CREB1: variants seen among roughly 807,000 people sequenced by gnomAD.
The protein encoded by CREB1 is cAMP responsive element binding protein 1.
In CREB1, 2 loss-of-function variants were observed where a neutral mutation model predicts 42.0. The ratio of observed to expected loss-of-function variants is 0.05; its 90% CI spans 0.02 to 0.15. The LOEUF (loss-of-function observed/expected upper bound fraction) is 0.15. Among genes scored for constraint, CREB1 ranks in the 10% least tolerant of loss-of-function variants. The pLI is 1.00. For missense variants in CREB1, 199 were observed against 388.9 expected (o/e 0.51, Z 4.11); for synonymous variants, 123 against 139.9 (o/e 0.88, Z 0.85).
chr2:207,605,541 T>C lies in CREB1; in HGVS notation c.*8483T>C, dbSNP rs1310600462. ...TGTACACTTCTAAAAAAAAGAAACA[T>C]GGAAAAGGGCAAACTGTAAGAAGTT... On this transcript the variant is annotated 3_prime_UTR_variant, in exon 8 of 8. Coordinates refer to ENST00000353267, the MANE Select transcript of CREB1 (RefSeq NM_004379.5). Among the ~76,000 whole-genome samples, 1 of 151,862 alleles carries C rather than the reference T, an allele frequency of 6.6e-6. No individual in the cohort carries two copies.
At chr2:207,587,436 A>G (rs981839670) in intron 7 of CREB1, among the ~76,000 whole-genome samples, 1 of 152,008 alleles carries the variant, frequency 6.6e-6, no homozygotes, top group African/African-American at 2.4e-5. Context: ...CAAAAAATAA[A>G]AGAACCACTA....
chr2:207,543,848 C>T (rs1034373918), intron 1 of CREB1, among the ~76,000 whole-genome samples: 6 of 152,170 alleles, frequency 3.9e-5, no homozygotes, highest in African/African-American at 1.4e-4. Flanking sequence ...TGTGATCTGC[C>T]CACCTCAGCC....
intron 7 of CREB1, among the ~76,000 whole-genome samples, chr2:207,583,462 A>G (rs2083293567): frequency 6.6e-6 from 1 of 152,220 alleles, no homozygotes; most frequent in African/African-American, 2.4e-5. Flanking sequence ...TACCATTGTG[A>G]GAAACAGGAT....
At chr2:207,535,900 C>T (rs1260500243) in intron 1 of CREB1, among the ~76,000 whole-genome samples, 13 of 152,064 alleles carry the variant, frequency 8.5e-5, no homozygotes, top group Admixed American at 8.5e-4. Context: ...TGGCTCACTG[C>T]AACCTCTGTT....
At chr2:207,538,586 C>T (rs922661246) in intron 1 of CREB1, among the ~76,000 whole-genome samples, 3 of 151,938 alleles carry the variant, frequency 2.0e-5, no homozygotes, top group Non-Finnish European at 4.4e-5. Context: ...TTAAAAGGGG[C>T]GAGGTTTTGA....
At chr2:207,583,307 C>T (rs1390233778) in intron 7 of CREB1, among the ~76,000 whole-genome samples, 1 of 152,148 alleles carries the variant, frequency 6.6e-6, no homozygotes, top group Non-Finnish European at 1.5e-5. Context: ...TACACACTAA[C>T]ATATCTGACT....
chr2:207,574,378 G>C (rs2082490906), intron 5 of CREB1, among the ~76,000 whole-genome samples: 1 of 152,206 alleles, frequency 6.6e-6, no homozygotes, highest in African/African-American at 2.4e-5. Context: ...ATTGTCTAGA[G>C]AGGATATTGC....
At chr2:207,559,335 GT>G (rs2081865244) in intron 2 of CREB1, 1 of 965,900 alleles carries the variant, frequency 1.0e-6, no homozygotes, top group African/African-American at 1.8e-5. Flanking sequence ...CTTCTCTTAG[GT>G]TGGGTAGAGT....
At chr2:207,585,617 G>A (rs566118720) in intron 7 of CREB1, among the ~76,000 whole-genome samples, 1 of 152,238 alleles carries the variant, frequency 6.6e-6, no homozygotes, top group Non-Finnish European at 1.5e-5. Flanking sequence ...AAAAGGAATT[G>A]AAAATAATGA....
intron 5 of CREB1, among the ~76,000 whole-genome samples, chr2:207,572,869 C>T (rs2082426566): frequency 6.6e-6 from 1 of 152,040 alleles, no homozygotes; most frequent in Admixed American, 6.6e-5. Context: ...CGCAAGTACC[C>T]TTCCAGGTGG....
chr2:207,549,380 A>G (rs775316980), intron 1 of CREB1, among the ~76,000 whole-genome samples: 2 of 152,130 alleles, frequency 1.3e-5, no homozygotes, highest in Non-Finnish European at 2.9e-5. Context: ...CAGGTTGGAC[A>G]TATGGTAAAG....
intron 1 of CREB1, among the ~76,000 whole-genome samples, chr2:207,547,967 C>T (rs1574795398): frequency 1.3e-5 from 2 of 151,712 alleles, no homozygotes; most frequent in Middle Eastern, 3.4e-3. Flanking sequence ...GTCTCATTCA[C>T]CGTGTCACCC....
At chr2:207,554,454 G>A (rs2081636696) in intron 1 of CREB1, among the ~76,000 whole-genome samples, 1 of 152,176 alleles carries the variant, frequency 6.6e-6, no homozygotes, top group African/African-American at 2.4e-5. Flanking sequence ...ACTAAAGGTA[G>A]TCCCTCACTA....
chr2:207,556,024 A>T (rs910402185), intron 2 of CREB1, among the ~76,000 whole-genome samples: 2 of 152,160 alleles, frequency 1.3e-5, no homozygotes, highest in Non-Finnish European at 1.5e-5. Context: ...GTGCTCTCAG[A>T]TAAGGGAAGA....
intron 7 of CREB1, chr2:207,581,011 G>A (rs2082894233): frequency 4.6e-6 from 1 of 218,190 alleles, no homozygotes; most frequent in African/African-American, 2.2e-5. Flanking sequence ...ACAGGAAGTG[G>A]AGAGTGAAAA....
chr2:207,575,938 C>CG (rs1218511696), intron 6 of CREB1, among the ~76,000 whole-genome samples: 2 of 45,056 alleles, frequency 4.4e-5, no homozygotes, highest in Non-Finnish European at 1.2e-4. Flanking sequence ...TCTGCTTCCC[C>CG]CCCCCCCCCC....
chr2:207,546,217 G>C (rs554474407), intron 1 of CREB1, among the ~76,000 whole-genome samples: 31 of 152,266 alleles, frequency 2.0e-4, no homozygotes, highest in Non-Finnish European at 4.4e-4. Flanking sequence ...TCACCACCAG[G>C]TTGGTGAAAA....
At chr2:207,579,691 T>C (rs2194430) in intron 7 of CREB1, among the ~76,000 whole-genome samples, 135,712 of 152,132 alleles carry the variant, frequency 0.89, 61,698 homozygotes, top group East Asian at 1. Context: ...AGGAAACTTC[T>C]CATTGATTCT....
At chr2:207,537,686 G>T (rs1483384386) in intron 1 of CREB1, among the ~76,000 whole-genome samples, 1 of 152,168 alleles carries the variant, frequency 6.6e-6, no homozygotes, top group Non-Finnish European at 1.5e-5. Context: ...ACTTAAATAA[G>T]AATAGACGTT....
Sources: gnomAD v4.1 joint callset for allele counts (sites outside exome capture counted in the v4.1 genomes callset) on GRCh38, gnomAD v4.1.1 for gene constraint, MANE v1.5 for transcripts, NCBI Gene and HGNC (gene_info 2026-07-23, HGNC 2026-07-21) for gene names.